UBN2: variants seen among roughly 807,000 people sequenced by gnomAD.
UBN2 encodes ubinuclein-2.
UBN2 carries 35 observed loss-of-function variants against 120.2 expected under a neutral mutation model. The observed-to-expected ratio is 0.29, with a 90% CI of 0.22 to 0.39. The LOEUF (loss-of-function observed/expected upper bound fraction) is 0.39, where lower values mean the gene tolerates loss of function less well. UBN2 is among the 10% of genes least tolerant of loss of function. The pLI is 1.00. For missense variants in UBN2, 1,693 were observed against 1,663.2 expected, an observed-to-expected ratio of 1.02 and a Z score of -0.31; for synonymous variants, 661 against 648.7, an observed-to-expected ratio of 1.02 and a Z score of -0.29.
At chr7:139,237,183 TC>T (rs1223765363) in intron 2 of UBN2, 86 bp downstream of exon 2, 7 of 825,070 alleles carry the variant, frequency 8.5e-6, no homozygotes, top group Non-Finnish European at 1.4e-5. Context: ...CCTATAAATA[TC>T]CGTTGCCTGC....
Position 139,289,800 on chromosome 7 carries a change from C to T in UBN2, c.3670-3432C>T, listed in dbSNP as rs191943363. Among the ~76,000 whole-genome samples the T allele has an allele frequency of 1.7e-3, 254 of 152,252 alleles. 1 individual carries two copies. The highest frequency in any genetic ancestry group is 5.9e-3 in the African/African-American group (245 of 41,540). On this transcript the variant is annotated intron_variant, in intron 15 of 17. Coordinates refer to ENST00000473989, the MANE Select transcript of UBN2 (RefSeq NM_173569.4). Reference sequence around the variant, plus strand: ...TTTATTAACAGTATTTAATGTTCCTCACTAGGGAACTCCAACTGGGGCACA... The same window carrying T: ...TTTATTAACAGTATTTAATGTTCCTTACTAGGGAACTCCAACTGGGGCACA...
At chr7:139,274,473 A>T (rs897474420) in intron 11 of UBN2, among the ~76,000 whole-genome samples, 1 of 152,162 alleles carries the variant, frequency 6.6e-6, no homozygotes, top group African/African-American at 2.4e-5. Context: ...CAAAATAGTC[A>T]GTGTAGAGGC....
rs1194781647 is a variant in UBN2 at position 139,305,157 on chromosome 7, G to T, written c.*7321G>T. 7 of 152,038 alleles carry T rather than the reference G, an allele frequency of 4.6e-5. No homozygotes were observed. 9.4% of individuals were successfully genotyped at this position (152,038 alleles called of 1,614,324 possible). A position where few individuals can be genotyped will look rare whatever the true frequency, so the allele number is the denominator to read the frequency against. The stretch of plus-strand genomic sequence containing the variant: ...ATGTTCAGGTTTATAGAGCTGAATG[G>T]GTGATCAAACTCTAATTAAAAATAG... On this transcript the variant is annotated 3_prime_UTR_variant, in exon 18 of 18. Coordinates refer to ENST00000473989, the MANE Select transcript of UBN2 (RefSeq NM_173569.4).
chr7:139,241,950 A>G (rs1430492301), intron 2 of UBN2, among the ~76,000 whole-genome samples: 3 of 152,130 alleles, frequency 2.0e-5, no homozygotes, highest in African/African-American at 7.2e-5. Flanking sequence ...GTGAGCCGAA[A>G]TCACGCCGTT....
chr7:139,313,993 C>A, the UBN2 span, among the ~76,000 whole-genome samples: 1 of 151,506 alleles, frequency 6.6e-6, no homozygotes, highest in East Asian at 2.0e-4. Flanking sequence ...GGATTACAGG[C>A]GTGTGCCACC....
intron 2 of UBN2, among the ~76,000 whole-genome samples, chr7:139,238,791 T>A (rs1796232310): frequency 1.3e-5 from 2 of 152,200 alleles, no homozygotes; most frequent in African/African-American, 4.8e-5. Flanking sequence ...TTCTCTATTC[T>A]GTGACTATAT....
intron 17 of UBN2, 88 bp downstream of exon 17, chr7:139,294,069 T>C (rs1429716984): frequency 1.4e-5 from 20 of 1,389,794 alleles, no homozygotes; most frequent in Non-Finnish European, 1.8e-5. Flanking sequence ...GTGAATGGAA[T>C]GACAAAGGTT....
Position 139,283,912 on chromosome 7 carries a change from A to G in UBN2, c.3007A>G (p.Thr1003Ala), listed in dbSNP as rs1797692464. The change falls in exon 15 of 18, where the codon ACA becomes GCA. Residue 1003 changes from threonine (T) to alanine (A), a missense_variant. Coordinates refer to ENST00000473989, the MANE Select transcript of UBN2 (RefSeq NM_173569.4). ...SQGSHPLVSR[T>A]VPSTTTSSNY... ...AGGGTCCCACCCCCTGGTTTCTAGGACAGTACCTAGCACCACTACCTCCAG... is the reference window on the plus strand; with the variant it reads ...AGGGTCCCACCCCCTGGTTTCTAGGGCAGTACCTAGCACCACTACCTCCAG... 6.2e-7 allele frequency: 1 copy of G among 1,613,972 alleles called. No homozygotes were observed. The highest frequency in any genetic ancestry group is 1.3e-5 in the African/African-American group (1 of 74,884).
chr7:139,239,881 A>T (rs1447796675), intron 2 of UBN2, among the ~76,000 whole-genome samples: 1 of 152,186 alleles, frequency 6.6e-6, no homozygotes, highest in African/African-American at 2.4e-5. Flanking sequence ...GCTGTGGGTT[A>T]CAAAATCAAG....
Position 139,303,398 on chromosome 7 carries a change from A to G in UBN2, c.*5562A>G, listed in dbSNP as rs750527377. ...ATACCTAGTAAGTGCCCCCCTTTCA[A>G]TACATTCTAATTGGGAAGAAGAAGA... On this transcript the variant is annotated 3_prime_UTR_variant, in exon 18 of 18. Transcript: ENST00000473989. The G allele has an allele frequency of 2.0e-5, 3 of 152,180 alleles. No homozygotes were observed. In the East Asian group the frequency reaches 5.8e-4, roughly 29 times the overall value. 9.4% of individuals were successfully genotyped at this position (152,180 alleles called of 1,614,324 possible).
the UBN2 span, among the ~76,000 whole-genome samples, chr7:139,327,791 C>T: frequency 6.6e-6 from 1 of 152,288 alleles, no homozygotes; most frequent in East Asian, 1.9e-4. Flanking sequence ...ATTCGTATCA[C>T]CCCTTACCAC....
chr7:139,234,830 A>T (rs1796120269), intron 1 of UBN2, among the ~76,000 whole-genome samples: 1 of 152,200 alleles, frequency 6.6e-6, no homozygotes, highest in South Asian at 2.1e-4. Flanking sequence ...ATGGTATTTC[A>T]TTGTTTGCGT....
the UBN2 span, among the ~76,000 whole-genome samples, chr7:139,323,073 T>C: frequency 6.6e-6 from 1 of 152,154 alleles, no homozygotes; most frequent in Non-Finnish European, 1.5e-5. Context: ...CTGCAGGATG[T>C]CATCAGTGGG....
At chr7:139,266,802 A>G (rs1797111970) in intron 7 of UBN2, among the ~76,000 whole-genome samples, 1 of 152,164 alleles carries the variant, frequency 6.6e-6, no homozygotes, top group Non-Finnish European at 1.5e-5. Context: ...GTTGATATCT[A>G]GTGAGGTTGA....
chr7:139,297,595 T>C (rs1798144884), intron 17 of UBN2, among the ~76,000 whole-genome samples, 192 bp from the exon 18 acceptor site: 1 of 152,212 alleles, frequency 6.6e-6, no homozygotes, highest in Non-Finnish European at 1.5e-5. Context: ...GGATCATTGT[T>C]GTTGAGTTTT....
chr7:139,316,531 G>T, the UBN2 span, among the ~76,000 whole-genome samples: 16 of 152,124 alleles, frequency 1.1e-4, no homozygotes, highest in Non-Finnish European at 1.5e-4. Context: ...ACTTTGGGAG[G>T]CCAAGGCGGG....
rs373390235 is a variant in UBN2, at chr7:139,243,735, A to G, written c.561+6638A>G. Among the ~76,000 whole-genome samples, 3 of 152,132 alleles carry G rather than the reference A, an allele frequency of 2.0e-5. No homozygotes were observed. In the East Asian group the frequency reaches 5.8e-4, roughly 29 times the overall value. Reference sequence around the variant, plus strand: ...AAAAGCAAACTGTACCTAGAAAACTACTCTAATGGCCTCTGTGATGAAGGA... The same window carrying G: ...AAAAGCAAACTGTACCTAGAAAACTGCTCTAATGGCCTCTGTGATGAAGGA... On this transcript the variant is annotated intron_variant, in intron 2 of 17. Coordinates refer to ENST00000473989, the MANE Select transcript of UBN2 (RefSeq NM_173569.4).
At chr7:139,245,137 A>C in intron 2 of UBN2, among the ~76,000 whole-genome samples, 1 of 112,322 alleles carries the variant, frequency 8.9e-6, no homozygotes. Context: ...ACAGGATTTC[A>C]CCATGTTTCC....
intron 15 of UBN2, among the ~76,000 whole-genome samples, chr7:139,286,544 A>G (rs1797794721): frequency 6.6e-6 from 1 of 152,234 alleles, no homozygotes; most frequent in Non-Finnish European, 1.5e-5. Context: ...AAAGAAAATA[A>G]AAATCACCTA....
Sources: allele counts gnomAD v4.1 joint callset (sites outside exome capture counted in the v4.1 genomes callset), GRCh38; gene constraint gnomAD v4.1.1; transcripts MANE v1.5; gene names NCBI Gene and HGNC (gene_info 2026-07-23, HGNC 2026-07-21).